SLC23A3: variants seen among roughly 807,000 people sequenced by gnomAD.
The protein encoded by SLC23A3 is E2-binding protein 3.
Under a neutral mutation model 64.7 loss-of-function variants are expected in SLC23A3, and 41 were observed. The observed-to-expected ratio is 0.63, with a 90% CI of 0.49 to 0.82. The LOEUF (loss-of-function observed/expected upper bound fraction) is 0.82, where lower values mean the gene tolerates loss of function less well. SLC23A3 is among the 40% of genes least tolerant of loss of function. The probability of loss-of-function intolerance (pLI) is 0.00; values close to 1 mark genes in which losing one functional copy is unlikely to be tolerated. For synonymous variants in SLC23A3, 281 were observed against 306.8 expected, an observed-to-expected ratio of 0.92 and a Z score of 0.88; for missense variants, 647 against 733.4, an observed-to-expected ratio of 0.88 and a Z score of 1.36.
At chr2:219,167,697 C>T (rs1048358315) in intron 7 of SLC23A3, among the ~76,000 whole-genome samples, 3 of 151,624 alleles carry the variant, frequency 2.0e-5, no homozygotes, top group Non-Finnish European at 2.9e-5. Flanking sequence ...GCCATGATCA[C>T]GCCATGCACT....
At chr2:219,166,516 T>A (rs1207831185) in intron 7 of SLC23A3, among the ~76,000 whole-genome samples, 4 of 151,442 alleles carry the variant, frequency 2.6e-5, no homozygotes, top group South Asian at 2.1e-4. Flanking sequence ...TATTTTATTT[T>A]ATTTATTTTA....
In SLC23A3 at chr2:219,162,094, G is replaced by A; in HGVS notation, c.1648C>T (p.Pro550Ser). The change falls in exon 12 of 12, where the codon CCT becomes TCT. Residue 550 changes from proline to serine, a missense_variant. By Grantham distance (74) the Pro-to-Ser change is moderately conservative. Coordinates refer to ENST00000409878, the MANE Select transcript of SLC23A3 (RefSeq NM_001144889.2). ...REKAAQVYRLPFPIQNLCPCI... is the reference protein window; with the variant it reads ...REKAAQVYRLSFPIQNLCPCI... ...GGACAGAGGTTTTGGATGGGGAAAG[G>A]AAGTCTGTACACTTGAGCAGCCTTC... is the stretch of plus-strand genomic sequence containing the variant. The A allele has an allele frequency of 2.5e-6, 4 of 1,614,214 alleles. No individual in the cohort carries two copies. The highest frequency in any genetic ancestry group is 3.4e-6 in the Non-Finnish European group (4 of 1,180,042).
intron 8 of SLC23A3, 41 bp downstream of exon 8, chr2:219,165,128 C>T: frequency 6.5e-7 from 1 of 1,545,340 alleles, no homozygotes; most frequent in Non-Finnish European, 8.7e-7. Context: ...TTCTTCCCCT[C>T]TAGCTCCATC....
At chr2:219,165,072 G>A in intron 8 of SLC23A3, 97 bp downstream of exon 8, 1 of 1,428,812 alleles carries the variant, frequency 7.0e-7, no homozygotes, top group African/African-American at 1.4e-5. Context: ...TTGATGTGAG[G>A]TGCTAGGCAC....
In SLC23A3 at chr2:219,163,475, G is replaced by A. The variant is rs368233276; in HGVS notation, c.1354C>T (p.Arg452Ter). ...SFYLADIDSG[R>*]NIFIVGFSIF... is the part of the protein sequence containing the mutation. ...GAGAAGCCCACAATGAAGATATTTCGCCCAGAGTCTATGTCAGCCAGGTAG... is the reference window on the plus strand; with the variant it reads ...GAGAAGCCCACAATGAAGATATTTCACCCAGAGTCTATGTCAGCCAGGTAG... Residue 452 changes from arginine (R) to a stop codon, truncating the protein, a stop_gained, in exon 10 of 12, where the codon CGA (arginine) becomes TGA (stop). Transcript: ENST00000409878. LOFTEE classifies it high-confidence loss of function. The A allele has an allele frequency of 1.5e-5, 24 of 1,614,002 alleles. No homozygotes were observed. The highest frequency in any genetic ancestry group is 1.7e-5 in the Admixed American group (1 of 59,992).
At chr2:219,167,588 C>CAA (rs34130254) in intron 7 of SLC23A3, among the ~76,000 whole-genome samples, 905 of 60,942 alleles carry the variant, frequency 0.015, 32 homozygotes, top group East Asian at 0.05. Context: ...CCTGTCTCTA[C>CAA]AAAAAAAAAA....
chr2:219,167,036 G>C (rs944061830), intron 7 of SLC23A3, among the ~76,000 whole-genome samples: 3 of 152,176 alleles, frequency 2.0e-5, no homozygotes, highest in Non-Finnish European at 2.9e-5. Flanking sequence ...GCAGTCAACA[G>C]ATCCTTATTA....
chr2:219,161,610 A>G lies in SLC23A3; in HGVS notation c.*299T>C, dbSNP rs1221288350. On this transcript the variant is annotated 3_prime_UTR_variant, in exon 12 of 12. Coordinates refer to ENST00000409878, the MANE Select transcript of SLC23A3 (RefSeq NM_001144889.2). ...TATCCCTGTAGTTCCAGGACCTTGC[A>G]CATGGGAGATGCTCAGTAAGTATTA... is the stretch of plus-strand genomic sequence containing the variant. The G allele has an allele frequency of 4.5e-5, 12 of 267,892 alleles. No individual in the cohort carries two copies. The highest frequency in any genetic ancestry group is 2.2e-3 in the Middle Eastern group (2 of 920). 16.6% of individuals were successfully genotyped at this position (267,892 alleles called of 1,614,324 possible).
At position 219,168,309 on chromosome 2, in the gene SLC23A3, C is replaced by A. The variant is rs369080413; in HGVS notation, c.684G>T (p.Leu228=). 83 of 1,605,012 alleles carry A rather than the reference C, an allele frequency of 5.2e-5. No individual in the cohort carries two copies. Among genetic ancestry groups the A allele is most frequent in the Non-Finnish European group, 6.6e-5 (78 of 1,175,782 alleles). The change falls in exon 6 of 12, where the codon CTG becomes CTT. Residue 228 remains leucine (L), a synonymous_variant. Transcript: ENST00000409878. ...THWGLALLVI[L]LMVVCSQHLG... ...GGTGCTGAGAACAGACCACCATGAG[C>A]AGGATAACCCTAGGAGACAGAAGGC...
At chr2:219,165,013 A>T in intron 8 of SLC23A3, 156 bp downstream of exon 8, 1 of 990,492 alleles carries the variant, frequency 1.0e-6, no homozygotes, top group Non-Finnish European at 1.4e-6. Flanking sequence ...TCACTTCCCC[A>T]CTCTCTTAGC....
chr2:219,162,115 C>A lies in SLC23A3; in HGVS notation c.1627G>T (p.Ala543Ser). 6.2e-7 allele frequency: 1 copy of A among 1,614,190 alleles called. No homozygotes were observed. The highest frequency in any genetic ancestry group is 8.5e-7 in the Non-Finnish European group (1 of 1,180,034). The change falls in exon 12 of 12, where the codon GCT becomes TCT. Residue 543 changes from alanine (A) to serine (S), a missense_variant. By Grantham distance (99) the Ala-to-Ser change is moderately conservative. Transcript: ENST00000409878. ...ARMPQKPREK[A>S]AQVYRLPFPI... The stretch of plus-strand genomic sequence containing the variant: ...AAAGGAAGTCTGTACACTTGAGCAG[C>A]CTTCTCCCTGGGCTTCTGAGGCATT...
chr2:219,162,544 C>T (rs1656580046), intron 10 of SLC23A3, 150 bp from the exon 11 acceptor site: 6 of 648,218 alleles, frequency 9.3e-6, no homozygotes, highest in African/African-American at 1.8e-5. Context: ...TGTCTTTCTA[C>T]TCTCCACTTT....
At position 219,169,958 on chromosome 2, in the gene SLC23A3, G is replaced by A; in HGVS notation, c.27C>T (p.Ser9=). 6.2e-7 allele frequency: 1 copy of A among 1,614,072 alleles called. No homozygotes were observed. The highest frequency in any genetic ancestry group is 8.5e-7 in the Non-Finnish European group (1 of 1,179,990). MSRSPLNP[S]QLRSVGSQDA... ...CCTGGGAGCCCACTGATCGGAGTTG[G>A]CTGGGATTGAGGGGTGATCGGCTCA... The change falls in exon 1 of 12, where the codon AGC becomes AGT. Residue 9 remains serine, a synonymous_variant. Transcript: ENST00000409878. The surrounding 1 kb of genome is among the most constrained non-coding windows in gnomAD (Gnocchi z 4.5).
chr2:219,168,339 G>T, intron 5 of SLC23A3, 21 bp from the exon 6 acceptor site: 1 of 1,567,150 alleles, frequency 6.4e-7, no homozygotes, highest in Non-Finnish European at 8.6e-7. Flanking sequence ...GAAGGCTTTA[G>T]GAGCAAGAGG....
chr2:219,165,792 CT>C (rs1393046970), intron 7 of SLC23A3, among the ~76,000 whole-genome samples: 1 of 152,212 alleles, frequency 6.6e-6, no homozygotes, highest in African/African-American at 2.4e-5. Context: ...GTCTAGTTAG[CT>C]CCTACTCATC....
In SLC23A3 at chr2:219,167,825, C is replaced by T. The variant is rs1022655449; in HGVS notation, c.913+105G>A. 1.1e-5 allele frequency: 10 copies of T among 929,530 alleles called. No homozygotes were observed. In the African/African-American group the frequency reaches 1.3e-4, roughly 12 times the overall value. 57.6% of individuals were successfully genotyped at this position (929,530 alleles called of 1,614,324 possible). A position where few individuals can be genotyped will look rare whatever the true frequency, so the allele number is the denominator to read the frequency against. On this transcript the variant is annotated intron_variant, in intron 7 of 11. Coordinates refer to ENST00000409878, the MANE Select transcript of SLC23A3 (RefSeq NM_001144889.2). ...ATAATTTCTCTCTCCTATATGTTTT[C>T]AAAAAACACAGGATTTAACTCAGAA...
rs1409152871 is a variant in SLC23A3 at position 219,168,330 on chromosome 2, AAGG to A, written c.675-15_675-13del. 2 of 1,584,150 alleles carry A rather than the reference AAGG, an allele frequency of 1.3e-6. No individual in the cohort carries two copies. The highest frequency in any genetic ancestry group is 1.7e-6 in the Non-Finnish European group (2 of 1,165,434). Reference sequence around the variant, plus strand: ...TGAGCAGGATAACCCTAGGAGACAGAAGGCTTTAGGAGCAAGAGGCAGTGGGTA... The same window carrying A: ...TGAGCAGGATAACCCTAGGAGACAGACTTTAGGAGCAAGAGGCAGTGGGTA... On this transcript the variant is annotated splice_polypyrimidine_tract_variant and intron_variant, in intron 5 of 11. Coordinates refer to ENST00000409878, the MANE Select transcript of SLC23A3 (RefSeq NM_001144889.2).
rs192756070 is a variant in SLC23A3, at chr2:219,163,470, A to T, written c.1359T>A (p.Asn453Lys). Residue 453 changes from asparagine to lysine, a missense_variant, in exon 10 of 12, where the codon AAT (asparagine) becomes AAA (lysine). Transcript: ENST00000409878. ...AGATGGAGAAGCCCACAATGAAGATATTTCGCCCAGAGTCTATGTCAGCCA... is the reference window on the plus strand; with the variant it reads ...AGATGGAGAAGCCCACAATGAAGATTTTTCGCCCAGAGTCTATGTCAGCCA... ...FYLADIDSGR[N>K]IFIVGFSIFM... 1,638 of 1,614,144 alleles carry T rather than the reference A, an allele frequency of 1.0e-3. 20 individuals carry two copies. Among genetic ancestry groups the T allele is most frequent in the Non-Finnish European group, 2.1e-4 (251 of 1,180,038 alleles).
intron 8 of SLC23A3, 80 bp downstream of exon 8, chr2:219,165,089 C>A: frequency 6.7e-7 from 1 of 1,491,006 alleles, no homozygotes; most frequent in Non-Finnish European, 9.0e-7. Flanking sequence ...GCACACCTGG[C>A]AATCAATCGG....
Sources: allele counts gnomAD v4.1 joint callset (sites outside exome capture counted in the v4.1 genomes callset), GRCh38; gene constraint gnomAD v4.1.1; non-coding constraint Gnocchi (gnomAD v3.1); transcripts MANE v1.5; gene names NCBI Gene and HGNC (gene_info 2026-07-23, HGNC 2026-07-21).